CLGN: variants seen among roughly 807,000 people sequenced by gnomAD.
CLGN encodes the protein calmegin.
A neutral mutation model predicts 79.1 loss-of-function variants in CLGN; 62 were observed. The observed-to-expected ratio is 0.78, with a 90% CI of 0.64 to 0.97. The LOEUF is 0.97. Among genes scored for constraint, CLGN ranks in the 50% least tolerant of loss-of-function variants. The pLI is 0.00. For missense variants in CLGN, 647 were observed against 715.5 expected, an observed-to-expected ratio of 0.90 and a Z score of 1.09; for synonymous variants, 225 against 224.7, an observed-to-expected ratio of 1.00 and a Z score of -0.01.
At chr4:140,424,389 A>G (rs1322559778) in intron 1 of CLGN, among the ~76,000 whole-genome samples, 1 of 152,090 alleles carries the variant, frequency 6.6e-6, no homozygotes, top group African/African-American at 2.4e-5. Context: ...TATGATTTCA[A>G]TCTTTTAAAA....
At chr4:140,416,976 G>T (rs1729345804) in intron 1 of CLGN, among the ~76,000 whole-genome samples, 1 of 152,128 alleles carries the variant, frequency 6.6e-6, no homozygotes, top group African/African-American at 2.4e-5. Flanking sequence ...ACTGAATCCA[G>T]CAGCACATCA....
At chr4:140,420,105 G>C (rs1409515923) in intron 1 of CLGN, among the ~76,000 whole-genome samples, 3 of 151,914 alleles carry the variant, frequency 2.0e-5, no homozygotes, top group Non-Finnish European at 2.9e-5. Context: ...GTACACTTTA[G>C]GTTCCAAACA....
At chr4:140,390,827 G>A in intron 13 of CLGN, 99 bp from the exon 14 acceptor site, 1 of 653,234 alleles carries the variant, frequency 1.5e-6, no homozygotes, top group Non-Finnish European at 2.3e-6. Flanking sequence ...TAAATTCCAA[G>A]ATTTATTCCA....
intron 1 of CLGN, among the ~76,000 whole-genome samples, chr4:140,414,604 T>C (rs1223966771): frequency 6.9e-6 from 1 of 145,264 alleles, no homozygotes; most frequent in Non-Finnish European, 1.5e-5. Flanking sequence ...GTATCAGCGA[T>C]GGAAGATGAA....
chr4:140,398,248 A>C (rs1318670250), intron 8 of CLGN, among the ~76,000 whole-genome samples: 1 of 150,592 alleles, frequency 6.6e-6, no homozygotes, highest in African/African-American at 2.4e-5. Context: ...TCTCTCATTT[A>C]AGGGCAAACA....
intron 1 of CLGN, among the ~76,000 whole-genome samples, chr4:140,422,386 A>G (rs542036608): frequency 2.8e-4 from 43 of 152,338 alleles, no homozygotes; most frequent in African/African-American, 9.9e-4. Context: ...TCCAATCCCA[A>G]TGAACACAAT....
chr4:140,423,153 A>C (rs1729502506), intron 1 of CLGN, among the ~76,000 whole-genome samples: 1 of 152,178 alleles, frequency 6.6e-6, no homozygotes, highest in Admixed American at 6.5e-5. Context: ...TTCACCATTT[A>C]GTCTGATGTT....
intron 5 of CLGN, among the ~76,000 whole-genome samples, chr4:140,405,188 T>A (rs1474184988): frequency 9.3e-5 from 9 of 96,300 alleles, no homozygotes; most frequent in East Asian, 5.4e-4. Context: ...TATTTTTTTT[T>A]TTATTTTTTT....
chr4:140,421,730 T>C (rs1446176933), intron 1 of CLGN, among the ~76,000 whole-genome samples: 2 of 152,154 alleles, frequency 1.3e-5, no homozygotes, highest in African/African-American at 4.8e-5. Context: ...TTGGCAAATA[T>C]TTTCTCCCAT....
Position 140,398,958 on chromosome 4 carries a change from A to G in CLGN, c.777T>C (p.Pro259=). ...CAATTTCTTTGGGAGGTTTGATAGG[A>G]GGAACCACATCCTCTAGGAGGCTTC... The part of the protein sequence containing the change: ...NKGSLLEDVV[P]PIKPPKEIED... The change falls in exon 8 of 15, where the codon CCT becomes CCC. Residue 259 remains proline, a synonymous_variant. Transcript: ENST00000325617. 1 of 1,613,916 alleles carries G rather than the reference A, an allele frequency of 6.2e-7. No homozygotes were observed. The highest frequency in any genetic ancestry group is 8.5e-7 in the Non-Finnish European group (1 of 1,179,888).
intron 8 of CLGN, among the ~76,000 whole-genome samples, chr4:140,397,340 CA>C (rs889840045): frequency 1.2e-4 from 18 of 152,134 alleles, no homozygotes; most frequent in African/African-American, 4.3e-4. Context: ...AAGTGATACA[CA>C]AAAACTATTT....
At chr4:140,401,521 A>G (rs915228567) in intron 6 of CLGN, among the ~76,000 whole-genome samples, 4 of 152,196 alleles carry the variant, frequency 2.6e-5, no homozygotes, top group Admixed American at 2.6e-4. Context: ...CAATGGTCCT[A>G]ATACAACCTC....
chr4:140,399,116 C>G, intron 7 of CLGN, 76 bp from the exon 8 acceptor site: 1 of 1,215,354 alleles, frequency 8.2e-7, no homozygotes, highest in Non-Finnish European at 1.1e-6. Flanking sequence ...AATAATGTAA[C>G]TACCCTTAAC....
In CLGN at chr4:140,394,553, A is replaced by G. The variant is rs916563305; in HGVS notation, c.1150-512T>C. Reference sequence around the variant, plus strand: ...CATTAAATCAAATACATTCAACAATATCATTGCTCACTGACTCACTCCACC... The same window carrying G: ...CATTAAATCAAATACATTCAACAATGTCATTGCTCACTGACTCACTCCACC... On this transcript the variant is annotated intron_variant, in intron 10 of 14. Coordinates refer to ENST00000325617, the MANE Select transcript of CLGN (RefSeq NM_004362.3). Among the ~76,000 whole-genome samples, 5 of 152,222 alleles carry G rather than the reference A, an allele frequency of 3.3e-5. No individual in the cohort carries two copies. The East Asian group carries it at 9.6e-4, about 29-fold the overall frequency.
intron 4 of CLGN, among the ~76,000 whole-genome samples, chr4:140,406,492 C>T (rs1729111341): frequency 6.6e-6 from 1 of 152,150 alleles, no homozygotes; most frequent in African/African-American, 2.4e-5. Context: ...AATGAGTAGT[C>T]TATTTATTTT....
intron 1 of CLGN, among the ~76,000 whole-genome samples, chr4:140,425,892 G>T (rs1427648700): frequency 6.6e-6 from 1 of 152,094 alleles, no homozygotes; most frequent in Admixed American, 6.5e-5. Context: ...GCCTCCCAAA[G>T]TGCTGGGATT....
At position 140,413,018 on chromosome 4, in the gene CLGN, A is replaced by C. The variant is rs1255237885; in HGVS notation, c.61T>G (p.Phe21Val). The C allele has an allele frequency of 1.2e-6, 2 of 1,613,402 alleles. No homozygotes were observed. Among genetic ancestry groups the C allele is most frequent in the Non-Finnish European group, 1.7e-6 (2 of 1,179,506 alleles). Residue 21 changes from phenylalanine (F) to valine (V), a missense_variant, in exon 2 of 15, where the codon TTT (phenylalanine) becomes GTT (valine). Physicochemically the swap from Phe to Val is conservative, Grantham distance 50. Coordinates refer to ENST00000325617, the MANE Select transcript of CLGN (RefSeq NM_004362.3). Reference protein sequence around the residue: ...GLLFISINAEFMDDDVETEDF... With the variant: ...GLLFISINAEVMDDDVETEDF... The stretch of plus-strand genomic sequence containing the variant: ...TCCGTCTCAACATCATCATCCATAA[A>C]TTCTGCATTAATTGAGATGAACAGA...
At chr4:140,422,539 A>G (rs1417723823) in intron 1 of CLGN, among the ~76,000 whole-genome samples, 1 of 151,878 alleles carries the variant, frequency 6.6e-6, no homozygotes, top group Non-Finnish European at 1.5e-5. Flanking sequence ...TGTTTTCTTA[A>G]TTTCCTGTTC....
intron 1 of CLGN, among the ~76,000 whole-genome samples, chr4:140,415,258 A>G (rs1729305623): frequency 1.3e-5 from 2 of 152,300 alleles, no homozygotes; most frequent in South Asian, 4.1e-4. Flanking sequence ...GCCAAAATGT[A>G]AAGACCATCA....
Sources: allele counts gnomAD v4.1 joint callset (sites outside exome capture counted in the v4.1 genomes callset), GRCh38; gene constraint gnomAD v4.1.1; transcripts MANE v1.5; gene names NCBI Gene and HGNC (gene_info 2026-07-23, HGNC 2026-07-21).